The following SLCO4C1 variants were observed in gnomAD, a reference collection of about 807,000 sequenced individuals.
SLCO4C1 encodes the protein solute carrier organic anion transporter family member 4C1, also known as organic anion transporter M1.
Under a neutral mutation model 72.1 loss-of-function variants are expected in SLCO4C1, and 58 were observed. The ratio of observed to expected loss-of-function variants is 0.80; its 90% CI spans 0.65 to 1.00. The LOEUF (loss-of-function observed/expected upper bound fraction) is 1.00. Among genes scored for constraint, SLCO4C1 ranks in the 50% least tolerant of loss-of-function variants. SLCO4C1 has a pLI of 0.00. For missense variants in SLCO4C1, 898 were observed against 857.9 expected, an observed-to-expected ratio of 1.05 and a Z score of -0.58; for synonymous variants, 297 against 312.5, an observed-to-expected ratio of 0.95 and a Z score of 0.52.
At chr5:102,291,766 T>G (rs1749557244) in intron 1 of SLCO4C1, among the ~76,000 whole-genome samples, 160 bp from the exon 2 acceptor site, 1 of 151,908 alleles carries the variant, frequency 6.6e-6, no homozygotes, top group African/African-American at 2.4e-5. Context: ...CTAAACATAT[T>G]TCCTTGAAAA....
At chr5:102,294,358 A>C (rs918252305) in intron 1 of SLCO4C1, among the ~76,000 whole-genome samples, 1 of 152,186 alleles carries the variant, frequency 6.6e-6, no homozygotes, top group Admixed American at 6.6e-5. Context: ...TTGGGTCACT[A>C]TTATCTCAGA....
At chr5:102,286,018 A>G (rs1749445337) in intron 2 of SLCO4C1, among the ~76,000 whole-genome samples, 1 of 152,118 alleles carries the variant, frequency 6.6e-6, no homozygotes. Context: ...AAAAGATAAA[A>G]TAGTAACCAG....
At chr5:102,276,786 T>C (rs1749254657) in intron 2 of SLCO4C1, among the ~76,000 whole-genome samples, 1 of 152,174 alleles carries the variant, frequency 6.6e-6, no homozygotes, top group South Asian at 2.1e-4. Flanking sequence ...GAATATTTAC[T>C]ATGAAGAGAT....
intron 2 of SLCO4C1, among the ~76,000 whole-genome samples, chr5:102,276,011 A>G (rs907944365): frequency 6.6e-6 from 1 of 152,072 alleles, no homozygotes; most frequent in Non-Finnish European, 1.5e-5. Flanking sequence ...GCCACTCCAA[A>G]CCACACCAGT....
intron 4 of SLCO4C1, among the ~76,000 whole-genome samples, chr5:102,263,042 G>A (rs1350736167): frequency 1.3e-5 from 2 of 152,166 alleles, no homozygotes; most frequent in African/African-American, 4.8e-5. Flanking sequence ...AAGTAACTCA[G>A]TGTTGAATTT....
chr5:102,294,492 TG>T (rs1749612368), intron 1 of SLCO4C1, among the ~76,000 whole-genome samples: 1 of 152,208 alleles, frequency 6.6e-6, no homozygotes, highest in Admixed American at 6.5e-5. Context: ...AAATATAAAA[TG>T]TTATATTTTG....
intron 2 of SLCO4C1, among the ~76,000 whole-genome samples, chr5:102,275,926 C>T (rs1195818779): frequency 6.6e-6 from 1 of 152,088 alleles, no homozygotes; most frequent in Non-Finnish European, 1.5e-5. Context: ...CAAAACAGTC[C>T]TAGGTCATTA....
intron 3 of SLCO4C1, among the ~76,000 whole-genome samples, chr5:102,268,772 G>A (rs1749093208): frequency 6.6e-6 from 1 of 151,978 alleles, no homozygotes; most frequent in South Asian, 2.1e-4. Context: ...CTTGTGTTCA[G>A]GGTGGTAATT....
At position 102,236,229 on chromosome 5, in the gene SLCO4C1, A is replaced by G. The variant is rs1290712195; in HGVS notation, c.*629T>C. ...TGTATTCACTATATACTAAGACACAAGGATGATAACTAACATATTCTAATA... is the reference window on the plus strand; with the variant it reads ...TGTATTCACTATATACTAAGACACAGGGATGATAACTAACATATTCTAATA... On this transcript the variant is annotated 3_prime_UTR_variant, in exon 13 of 13. Coordinates refer to ENST00000310954, the MANE Select transcript of SLCO4C1 (RefSeq NM_180991.5). 1 of 152,318 alleles carries G rather than the reference A, an allele frequency of 6.6e-6. No homozygotes were observed. Among genetic ancestry groups the G allele is most frequent in the Non-Finnish European group, 1.5e-5 (1 of 68,112 alleles). 9.4% of individuals were successfully genotyped at this position (152,318 alleles called of 1,614,324 possible).
intron 2 of SLCO4C1, among the ~76,000 whole-genome samples, chr5:102,285,246 T>C (rs1389031236): frequency 1.6e-5 from 2 of 124,224 alleles, no homozygotes; most frequent in Admixed American, 7.7e-5. Context: ...CACAAATATA[T>C]ACACACATAT....
chr5:102,287,318 C>G (rs1351092587), intron 2 of SLCO4C1, among the ~76,000 whole-genome samples: 1 of 151,946 alleles, frequency 6.6e-6, no homozygotes, highest in Non-Finnish European at 1.5e-5. Context: ...TACCTGACTA[C>G]TAGAAGTTGG....
chr5:102,282,242 T>C (rs1426760676), intron 2 of SLCO4C1, among the ~76,000 whole-genome samples: 1 of 152,056 alleles, frequency 6.6e-6, no homozygotes, highest in East Asian at 1.9e-4. Context: ...AAAAAACTTT[T>C]TATATGTAAA....
intron 2 of SLCO4C1, among the ~76,000 whole-genome samples, chr5:102,285,328 A>C (rs1270466340): frequency 6.6e-6 from 1 of 152,114 alleles, no homozygotes; most frequent in African/African-American, 2.4e-5. Flanking sequence ...ACTGTTGCCC[A>C]GGCTGGAGTG....
intron 2 of SLCO4C1, among the ~76,000 whole-genome samples, chr5:102,275,921 C>T (rs549348364): frequency 1.3e-5 from 2 of 152,086 alleles, no homozygotes; most frequent in South Asian, 4.1e-4. Context: ...AGAAACAAAA[C>T]AGTCCTAGGT....
At position 102,291,427 on chromosome 5, in the gene SLCO4C1, C is replaced by T; in HGVS notation, c.535G>A (p.Ala179Thr). The T allele has an allele frequency of 1.2e-6, 2 of 1,614,138 alleles. No homozygotes were observed. Among genetic ancestry groups the T allele is most frequent in the Non-Finnish European group, 1.7e-6 (2 of 1,180,008 alleles). The stretch of plus-strand genomic sequence containing the variant: ...AGTGCTCCCAGTCCAATCATAAAGG[C>T]TGCAAATGCAAGCCATCTCGGCTTA... The part of the protein sequence containing the change: ...GHKPRWLAFA[A>T]FMIGLGALVF... The change falls in exon 2 of 13, where the codon GCC becomes ACC. Residue 179 changes from alanine (A) to threonine (T), a missense_variant. Coordinates refer to ENST00000310954, the MANE Select transcript of SLCO4C1 (RefSeq NM_180991.5).
rs1748855926 is a variant in SLCO4C1, at chr5:102,257,329, G to A, written c.1274-19C>T. ...ACAGCCCCTAATAAGAAAAAAGAAT[G>A]TAGATTGTGAGAAACCATACACATA... is the stretch of plus-strand genomic sequence containing the variant. On this transcript the variant is annotated intron_variant, in intron 7 of 12. Coordinates refer to ENST00000310954, the MANE Select transcript of SLCO4C1 (RefSeq NM_180991.5). 1 of 1,561,430 alleles carries A rather than the reference G, an allele frequency of 6.4e-7. No homozygotes were observed. The highest frequency in any genetic ancestry group is 8.6e-7 in the Non-Finnish European group (1 of 1,159,156).
In SLCO4C1 at chr5:102,270,631, G is replaced by C. The variant is rs754134149; in HGVS notation, c.795C>G (p.Leu265=). Residue 265 remains leucine (L), a synonymous_variant, in exon 3 of 13, where the codon CTC becomes CTG. Coordinates refer to ENST00000310954, the MANE Select transcript of SLCO4C1 (RefSeq NM_180991.5). ...DDSVPTHKSS[L]YIGTGYAMSI... ...TTTAGAGAGTAAACTTACCTATATA[G>C]AGAGAAGACTTGTGTGTGGGCACAG... The C allele has an allele frequency of 2.5e-6, 4 of 1,608,954 alleles. No homozygotes were observed. Among genetic ancestry groups the C allele is most frequent in the South Asian group, 1.1e-5 (1 of 90,098 alleles).
At chr5:102,266,448 G>C (rs185296430) in intron 3 of SLCO4C1, among the ~76,000 whole-genome samples, 2 of 152,080 alleles carry the variant, frequency 1.3e-5, no homozygotes, top group African/African-American at 4.8e-5. Flanking sequence ...TCAGGAGTTC[G>C]AGACCAGTAT....
chr5:102,277,752 C>G lies in SLCO4C1; in HGVS notation c.620-6946G>C, dbSNP rs139807630. Among the ~76,000 whole-genome samples the G allele has an allele frequency of 2.7e-3, 391 of 145,870 alleles. 3 individuals carry two copies. Among genetic ancestry groups the G allele is most frequent in the African/African-American group, 9.3e-3 (366 of 39,408 alleles). Reference sequence around the variant, plus strand: ...TCAGAACAGCGTCAAGTAGTTAAGACAGAAGATTTAAATAAGAACCAGAGT... The same window carrying G: ...TCAGAACAGCGTCAAGTAGTTAAGAGAGAAGATTTAAATAAGAACCAGAGT... On this transcript the variant is annotated intron_variant, in intron 2 of 12. Transcript: ENST00000310954.
Sources: gnomAD v4.1 joint callset for allele counts (sites outside exome capture counted in the v4.1 genomes callset) on GRCh38, gnomAD v4.1.1 for gene constraint, MANE v1.5 for transcripts, NCBI Gene and HGNC (gene_info 2026-07-23, HGNC 2026-07-21) for gene names.